The following COL6A2 variants were observed in gnomAD, a reference collection of about 807,000 sequenced individuals.
COL6A2 encodes the protein collagen alpha-2(VI) chain.
Under a neutral mutation model 124.9 loss-of-function variants are expected in COL6A2, and 90 were observed. That is an observed-to-expected ratio of 0.72 (90% CI 0.61 to 0.86). The LOEUF is 0.86. Ranked by LOEUF, COL6A2 falls within the 40% of genes least tolerant of loss-of-function variation. The pLI, the probability that COL6A2 is intolerant of heterozygous loss-of-function variation, is 0.00. For synonymous variants in COL6A2, 793 were observed against 618.2 expected, an observed-to-expected ratio of 1.28 and a Z score of -4.19; for missense variants, 1,607 against 1,502.5, an observed-to-expected ratio of 1.07 and a Z score of -1.15.
chr21:46,131,916 C>T (rs1305207828), intron 27 of COL6A2, 38 bp from the exon 28 acceptor site: 4 of 1,544,832 alleles, frequency 2.6e-6, no homozygotes, highest in Non-Finnish European at 3.5e-6. Context: ...TCCTGCCCAC[C>T]TCCCCTCCGC....
rs139571947 is a variant in COL6A2 at position 46,125,274 on chromosome 21, C to T, written c.1779C>T (p.Asp593=). 97 of 1,611,990 alleles carry T rather than the reference C, an allele frequency of 6.0e-5. No individual in the cohort carries two copies. Among genetic ancestry groups the T allele is most frequent in the Admixed American group, 1.2e-4 (7 of 59,898 alleles). Residue 593 remains aspartate, a synonymous_variant, in exon 24 of 28, where the codon GAC becomes GAT. Coordinates refer to ENST00000300527, the MANE Select transcript of COL6A2 (RefSeq NM_001849.4). Reference sequence around the variant, plus strand: ...TGCCGTGTGCATTGCAGGAGTGTGACGTCATGACCTACGTGAGGGAGACCT... The same window carrying T: ...TGCCGTGTGCATTGCAGGAGTGTGATGTCATGACCTACGTGAGGGAGACCT... The part of the protein sequence containing the change: ...PPGDPGLTEC[D]VMTYVRETCG...
intron 27 of COL6A2, among the ~76,000 whole-genome samples, chr21:46,128,289 C>T (rs907078873): frequency 6.6e-6 from 1 of 152,232 alleles, no homozygotes; most frequent in Non-Finnish European, 1.5e-5. Flanking sequence ...CCCCTCCCCT[C>T]CTCTCGGCCG....
In COL6A2 at chr21:46,112,202, C is replaced by A. The variant is rs1365013453; in HGVS notation, c.339C>A (p.Ser113Arg). ...DQVEVFSPPG[S>R]DRASFIKNLQ... Reference sequence around the variant, plus strand: ...TGGAGGTGTTCAGCCCACCGGGCAGCGACCGGGCCTCCTTCATCAAGAACC... The same window carrying A: ...TGGAGGTGTTCAGCCCACCGGGCAGAGACCGGGCCTCCTTCATCAAGAACC... The change falls in exon 3 of 28, where the codon AGC (serine) becomes AGA (arginine). Residue 113 changes from serine to arginine, a missense_variant. By Grantham distance (110) the Ser-to-Arg change is moderately radical. This residue lies in a region of COL6A2 where 342 missense variants were observed against 381.5 expected (regional missense o/e 0.90). Coordinates refer to ENST00000300527, the MANE Select transcript of COL6A2 (RefSeq NM_001849.4). The A allele has an allele frequency of 6.2e-6, 10 of 1,612,944 alleles. No homozygotes were observed. Among genetic ancestry groups the A allele is most frequent in the Non-Finnish European group, 7.6e-6 (9 of 1,180,036 alleles).
Position 46,125,251 on chromosome 21 carries a change from C to T in COL6A2, c.1771-15C>T, listed in dbSNP as rs779533128. On this transcript the variant is annotated splice_polypyrimidine_tract_variant and intron_variant, in intron 23 of 27. Coordinates refer to ENST00000300527, the MANE Select transcript of COL6A2 (RefSeq NM_001849.4). ...GGCCCCGGGGGGACTACCCTGCCTG[C>T]CGTGTGCATTGCAGGAGTGTGACGT... is the stretch of plus-strand genomic sequence containing the variant. The T allele has an allele frequency of 1.9e-6, 3 of 1,611,194 alleles. No homozygotes were observed. Among genetic ancestry groups the T allele is most frequent in the African/African-American group, 2.7e-5 (2 of 74,904 alleles).
Position 46,112,894 on chromosome 21 carries a change from G to A in COL6A2, c.735+70G>A. ...CCAGCAGAGATGACCGCGCCAGGCTGCCGACTCCTGGCGCCTCCAGGCTGG... is the reference window on the plus strand; with the variant it reads ...CCAGCAGAGATGACCGCGCCAGGCTACCGACTCCTGGCGCCTCCAGGCTGG... On this transcript the variant is annotated intron_variant, in intron 4 of 27. Transcript: ENST00000300527. 2.5e-6 allele frequency: 4 copies of A among 1,595,648 alleles called. No individual in the cohort carries two copies. The South Asian group carries it at 3.3e-5, about 13-fold the overall frequency.
In COL6A2 at chr21:46,117,210, C is replaced by T. The variant is rs547656810; in HGVS notation, c.1000-190C>T. 2.0e-4 allele frequency among the ~76,000 whole-genome samples: 31 copies of T among 152,352 alleles called. No homozygotes were observed. The East Asian group carries it at 6.0e-3, about 29-fold the overall frequency. ...GGAGGCAGCCAGGGATGGCCTGTTC[C>T]TGCACAACGGCCACTCTGCCTCCCC... is the stretch of plus-strand genomic sequence containing the variant. On this transcript the variant is annotated intron_variant, in intron 10 of 27. Coordinates refer to ENST00000300527, the MANE Select transcript of COL6A2 (RefSeq NM_001849.4).
rs1343015254 is a variant in COL6A2, at chr21:46,132,484, C to T, written c.2992C>T (p.His998Tyr). 2 of 1,607,392 alleles carry T rather than the reference C, an allele frequency of 1.2e-6. No homozygotes were observed. Among genetic ancestry groups the T allele is most frequent in the Non-Finnish European group, 1.7e-6 (2 of 1,178,456 alleles). ...CCTGGGTGACCGCGCCGCCGTGTTCCACGAGAAGGACTATGACAGCCTGGC... is the reference window on the plus strand; with the variant it reads ...CCTGGGTGACCGCGCCGCCGTGTTCTACGAGAAGGACTATGACAGCCTGGC... ...LSLGDRAAVF[H>Y]EKDYDSLAQP... Residue 998 changes from histidine (H) to tyrosine (Y), a missense_variant, in exon 28 of 28, where the codon CAC becomes TAC. This residue lies in a region of COL6A2 where 1,223 missense variants were observed against 1,052.2 expected (regional missense o/e 1.16). Transcript: ENST00000300527.
Position 46,116,878 on chromosome 21 carries a change from C to T in COL6A2, c.999+64C>T. On this transcript the variant is annotated intron_variant, in intron 10 of 27. Transcript: ENST00000300527. This position sits in a 1 kb window ranked among gnomAD's most constrained non-coding sequence, Gnocchi z 4.6. ...CAGAGGCATCCCAGCCTCTGCAGGG[C>T]CCCCAGATCCAGCCTGATCTGTCAG... The T allele has an allele frequency of 1.3e-6, 2 of 1,547,252 alleles. No individual in the cohort carries two copies. The highest frequency in any genetic ancestry group is 1.1e-5 in the South Asian group (1 of 89,414).
At chr21:46,126,278 G>A (rs1157336845) in intron 26 of COL6A2, 41 bp downstream of exon 26, 1 of 1,590,702 alleles carries the variant, frequency 6.3e-7, no homozygotes, top group African/African-American at 1.3e-5. Flanking sequence ...AGGAGCAGCA[G>A]GCCCCAGCCG....
rs142709940 is a variant in COL6A2, at chr21:46,124,919, C to T, written c.1769C>T (p.Thr590Met). 2.5e-3 allele frequency: 3,964 copies of T among 1,612,876 alleles called. 9 individuals are homozygous for T. The highest frequency in any genetic ancestry group is 2.9e-3 in the Non-Finnish European group (3,480 of 1,179,984). Residue 590 changes from threonine to methionine, a missense_variant and splice_region_variant, in exon 23 of 28, where the codon ACG (threonine) becomes ATG (methionine). This residue lies in a region of COL6A2 where 1,223 missense variants were observed against 1,052.2 expected (regional missense o/e 1.16). Transcript: ENST00000300527. ...EPGPPGDPGL[T>M]ECDVMTYVRE... is the part of the protein sequence containing the mutation. ...GGCCCCCCTGGAGACCCCGGTCTCA[C>T]GGTAGGTGTCACATGGGGCAGAACC...
Position 46,125,301 on chromosome 21 carries a change from C to T in COL6A2, c.1806C>T (p.Cys602=), listed in dbSNP as rs751987553. 1.6e-5 allele frequency: 25 copies of T among 1,610,964 alleles called. No homozygotes were observed. Among genetic ancestry groups the T allele is most frequent in the South Asian group, 1.1e-4 (10 of 90,764 alleles). The part of the protein sequence containing the change: ...CDVMTYVRET[C]GCCDCEKRCG... Reference sequence around the variant, plus strand: ...TCATGACCTACGTGAGGGAGACCTGCGGGTGCTGCGGTGAGGCACTGCCCA... The same window carrying T: ...TCATGACCTACGTGAGGGAGACCTGTGGGTGCTGCGGTGAGGCACTGCCCA... The change falls in exon 24 of 28, where the codon TGC becomes TGT. Residue 602 remains cysteine (C), a synonymous_variant. Transcript: ENST00000300527.
intron 1 of COL6A2, chr21:46,098,681 C>G (rs2078253515): frequency 6.6e-6 from 1 of 151,070 alleles, no homozygotes; most frequent in South Asian, 2.1e-4. Context: ...TTTCGGTGCC[C>G]GAGGGCGGGA....
Position 46,126,182 on chromosome 21 carries a change from C to G in COL6A2, c.2367C>G (p.Phe789Leu). 1 of 1,606,562 alleles carries G rather than the reference C, an allele frequency of 6.2e-7. No homozygotes were observed. Among genetic ancestry groups the G allele is most frequent in the Non-Finnish European group, 8.5e-7 (1 of 1,179,854 alleles). ...AGCAGGTGCGCAACATGACGCTGTT[C>G]TCCGACCTGGTCGCTGAGAAGTTCA... Reference protein sequence around the residue: ...KPQQVRNMTLFSDLVAEKFID... With the variant: ...KPQQVRNMTLLSDLVAEKFID... The change falls in exon 26 of 28, where the codon TTC becomes TTG. Residue 789 changes from phenylalanine (F) to leucine (L), a missense_variant. Physicochemically the swap from Phe to Leu is conservative, Grantham distance 22. Coordinates refer to ENST00000300527, the MANE Select transcript of COL6A2 (RefSeq NM_001849.4).
At chr21:46,111,415 T>G in intron 1 of COL6A2, 35 bp from the exon 2 acceptor site, 1 of 1,269,942 alleles carries the variant, frequency 7.9e-7, no homozygotes, top group Non-Finnish European at 1.1e-6. Context: ...GGAGAGGCAC[T>G]GGGGGTGTCT....
chr21:46,126,282 C>G (rs1418540238), intron 26 of COL6A2, 45 bp downstream of exon 26: 49 of 1,586,886 alleles, frequency 3.1e-5, no homozygotes, highest in Non-Finnish European at 4.1e-5. Context: ...GCAGCAGGCC[C>G]CAGCCGCTGT....
intron 16 of COL6A2, 42 bp downstream of exon 16, chr21:46,120,619 G>A: frequency 7.0e-7 from 1 of 1,437,738 alleles, no homozygotes; most frequent in Non-Finnish European, 9.2e-7. Context: ...TAGGGGATCT[G>A]AGGGGGTGCA....
chr21:46,102,656 TGTGA>T (rs2123593722), intron 1 of COL6A2, among the ~76,000 whole-genome samples: 1 of 152,270 alleles, frequency 6.6e-6, no homozygotes, highest in South Asian at 2.1e-4. Context: ...AATGATCATG[TGTGA>T]GTTTTTTTTC....
In COL6A2 at chr21:46,132,443, T is replaced by C. The variant is rs1213622491; in HGVS notation, c.2951T>C (p.Val984Ala). 1.2e-6 allele frequency: 2 copies of C among 1,606,686 alleles called. No individual in the cohort carries two copies. Among genetic ancestry groups the C allele is most frequent in the Admixed American group, 3.3e-5 (2 of 59,908 alleles). Residue 984 changes from valine to alanine, a missense_variant, in exon 28 of 28, where the codon GTG (valine) becomes GCG (alanine). This residue lies in a region of COL6A2 where 1,223 missense variants were observed against 1,052.2 expected (regional missense o/e 1.16). Coordinates refer to ENST00000300527, the MANE Select transcript of COL6A2 (RefSeq NM_001849.4). ...LALGSDVDMD[V>A]LTTLSLGDRA... is the part of the protein sequence containing the mutation. ...TTGGGCAGCGACGTGGACATGGACG[T>C]GCTCACCACGCTCAGCCTGGGTGAC...
Position 46,111,463 on chromosome 21 carries a change from C to T in COL6A2, c.-14C>T, listed in dbSNP as rs1199767089. 6.2e-7 allele frequency: 1 copy of T among 1,603,892 alleles called. No individual in the cohort carries two copies. Among genetic ancestry groups the T allele is most frequent in the South Asian group, 1.1e-5 (1 of 90,760 alleles). On this transcript the variant is annotated 5_prime_UTR_variant, in exon 2 of 28. Transcript: ENST00000300527. Reference sequence around the variant, plus strand: ...CCCCTGTTGCAGGACTTCAGGGCCACAGGTGCTGCCAAGATGCTCCAGGGC... The same window carrying T: ...CCCCTGTTGCAGGACTTCAGGGCCATAGGTGCTGCCAAGATGCTCCAGGGC...
Sources: allele counts gnomAD v4.1 joint callset (sites outside exome capture counted in the v4.1 genomes callset), GRCh38; gene constraint gnomAD v4.1.1; regional missense constraint gnomAD v4.1.1; non-coding constraint Gnocchi (gnomAD v3.1); transcripts MANE v1.5; gene names NCBI Gene and HGNC (gene_info 2026-07-23, HGNC 2026-07-21).